Variants in TMEM91 observed in about 807,000 individuals in gnomAD.
TMEM91 encodes transmembrane protein 91, also known as dispanin subfamily C member 3.
In TMEM91, 6 loss-of-function variants were observed where a neutral mutation model predicts 13.3. The observed-to-expected ratio is 0.45, with a 90% CI of 0.25 to 0.89. TMEM91 has a LOEUF of 0.89. Ranked by LOEUF, TMEM91 falls within the 40% of genes least tolerant of loss-of-function variation. TMEM91 has a pLI of 0.19. For synonymous variants in TMEM91, 87 were observed against 101.7 expected (o/e 0.86, Z 0.87); for missense variants, 193 against 228.7 (o/e 0.84, Z 1.01).
chr19:41,379,377 A>G (rs1456518036), intron 2 of TMEM91, among the ~76,000 whole-genome samples: 1 of 150,918 alleles, frequency 6.6e-6, no homozygotes, highest in Non-Finnish European at 1.5e-5. Flanking sequence ...TAAAAAAAAA[A>G]AAAAAAATTA....
chr19:41,366,633 ATTTT>A (rs1277827258), intron 1 of TMEM91, among the ~76,000 whole-genome samples: 1 of 151,896 alleles, frequency 6.6e-6, no homozygotes, highest in Non-Finnish European at 1.5e-5. Flanking sequence ...TCATTTTTGT[ATTTT>A]TAGTAGAGAC....
chr19:41,382,884 G>T lies in TMEM91; in HGVS notation c.323G>T (p.Trp108Leu), dbSNP rs1408753990. ...LAVFSMLCCFWPVGIAAFCLA... is the reference protein window; with the variant it reads ...LAVFSMLCCFLPVGIAAFCLA... ...GTCTTCTCCATGCTGTGTTGTTTCT[G>T]GCCCGTTGGCATCGCTGCCTTCTGT... The change falls in exon 3 of 4, where the codon TGG (tryptophan) becomes TTG (leucine). Residue 108 changes from tryptophan (W) to leucine (L), a missense_variant. By Grantham distance (61) the Trp-to-Leu change is moderately conservative. Coordinates refer to ENST00000392002, the MANE Select transcript of TMEM91 (RefSeq NM_001098821.2). 1.9e-6 allele frequency: 3 copies of T among 1,614,170 alleles called. No homozygotes were observed. The highest frequency in any genetic ancestry group is 1.7e-6 in the Non-Finnish European group (2 of 1,180,036).
intron 1 of TMEM91, among the ~76,000 whole-genome samples, chr19:41,367,704 G>A (rs2038550731): frequency 6.6e-6 from 1 of 152,214 alleles, no homozygotes; most frequent in Admixed American, 6.5e-5. Flanking sequence ...CACAATCACA[G>A]CTCACTGCAG....
chr19:41,383,908 C>T lies in TMEM91; in HGVS notation c.*35C>T, dbSNP rs776535742. On this transcript the variant is annotated 3_prime_UTR_variant, in exon 4 of 4. Coordinates refer to ENST00000392002, the MANE Select transcript of TMEM91 (RefSeq NM_001098821.2). ...CAGCCCTCACTGTGAACCCTGAGGC[C>T]GGCAGCCCAGCAAATCTGTGGGCAG... The T allele has an allele frequency of 1.2e-5, 19 of 1,580,152 alleles. No individual in the cohort carries two copies. Among genetic ancestry groups the T allele is most frequent in the Admixed American group, 9.5e-5 (5 of 52,554 alleles).
chr19:41,371,367 T>TTCCTTCCTTCCC, intron 1 of TMEM91, among the ~76,000 whole-genome samples: 1 of 134,630 alleles, frequency 7.4e-6, no homozygotes, highest in South Asian at 2.3e-4. Context: ...CCTTCCTTCC[T>TTCCTTCCTTCCC]TCTTTCCTTC....
chr19:41,377,617 G>C (rs962408459), intron 1 of TMEM91, among the ~76,000 whole-genome samples: 4 of 151,902 alleles, frequency 2.6e-5, no homozygotes, highest in Admixed American at 2.0e-4. Context: ...TGGATATTGG[G>C]GGTGTTTGTG....
intron 1 of TMEM91, among the ~76,000 whole-genome samples, chr19:41,369,974 A>C (rs1464567340): frequency 6.6e-6 from 1 of 152,158 alleles, no homozygotes; most frequent in Non-Finnish European, 1.5e-5. Context: ...ATTTTTGCAA[A>C]GTAAACACAT....
chr19:41,380,947 G>C (rs973527443), intron 2 of TMEM91, among the ~76,000 whole-genome samples: 3 of 147,538 alleles, frequency 2.0e-5, no homozygotes, highest in African/African-American at 7.5e-5. Context: ...TTAGCTGGCC[G>C]TGGTGGTGGG....
In TMEM91 at chr19:41,383,855, C is replaced by T; in HGVS notation, c.501C>T (p.Ala167=). Residue 167 remains alanine (A), a synonymous_variant, in exon 4 of 4, where the codon GCC becomes GCT. Transcript: ENST00000392002. ...TGGTGACCCTGGCTGCCTACCTTGC[C>T]TCCCGAGACCCGCCCTAGTTGCCCC... ...AALVTLAAYL[A]SRDPP 6.2e-7 allele frequency: 1 copy of T among 1,607,962 alleles called. No homozygotes were observed. Among genetic ancestry groups the T allele is most frequent in the South Asian group, 1.1e-5 (1 of 90,292 alleles).
rs1333880532 is a variant in TMEM91 at position 41,376,814 on chromosome 19, A to T, written c.-70A>T. 2 of 152,282 alleles carry T rather than the reference A, an allele frequency of 1.3e-5. No homozygotes were observed. The highest frequency in any genetic ancestry group is 2.9e-5 in the Non-Finnish European group (2 of 68,152). 9.4% of individuals were successfully genotyped at this position (152,282 alleles called of 1,614,324 possible). On this transcript the variant is annotated 5_prime_UTR_variant, in exon 1 of 4. Coordinates refer to ENST00000392002, the MANE Select transcript of TMEM91 (RefSeq NM_001098821.2). ...CGGTGGCAGGGTCCGGGCAAGTGTC[A>T]TTGCGAGGGTTCAGGAAGCCCCGGC...
At chr19:41,371,994 G>C (rs2038632118), upstream of TMEM91, among the ~76,000 whole-genome samples, 1 of 151,764 alleles carries the variant, frequency 6.6e-6, no homozygotes, top group Admixed American at 6.6e-5. Context: ...AAGTAGCTAG[G>C]ACTACAGGTG....
At chr19:41,383,518 A>T (rs11880674) in intron 3 of TMEM91, 197 bp from the exon 4 acceptor site, 867,801 of 1,454,500 alleles carry the variant, frequency 0.6, 260,689 homozygotes, top group Non-Finnish European at 0.61. Flanking sequence ...ATTTATTATT[A>T]TTATTATTTT....
chr19:41,371,002 C>G (rs1439189078), intron 1 of TMEM91, among the ~76,000 whole-genome samples: 2 of 151,080 alleles, frequency 1.3e-5, no homozygotes, highest in Admixed American at 6.6e-5. Flanking sequence ...CGTGTCTGGC[C>G]TGTTTTTTAT....
At chr19:41,367,854 C>T (rs561049832) in intron 1 of TMEM91, among the ~76,000 whole-genome samples, 49 of 152,234 alleles carry the variant, frequency 3.2e-4, no homozygotes, top group African/African-American at 1.2e-3. Context: ...AGGCTTGTCT[C>T]AAACTCCTGG....
chr19:41,380,440 CT>C (rs1302916027), intron 2 of TMEM91, among the ~76,000 whole-genome samples: 5 of 152,138 alleles, frequency 3.3e-5, no homozygotes, highest in African/African-American at 1.2e-4. Flanking sequence ...GGACACAGAA[CT>C]CATCCCTTGA....
upstream of TMEM91, among the ~76,000 whole-genome samples, chr19:41,376,072 A>C (rs2038711077): frequency 6.6e-6 from 1 of 152,168 alleles, no homozygotes; most frequent in East Asian, 1.9e-4. Flanking sequence ...GTGAGCCGAG[A>C]TCACTCCACT....
upstream of TMEM91, among the ~76,000 whole-genome samples, chr19:41,375,554 A>C (rs1213587607): frequency 6.7e-6 from 1 of 149,866 alleles, no homozygotes; most frequent in Non-Finnish European, 1.5e-5. Context: ...TTGGGATTAC[A>C]GGCGTGAGCC....
chr19:41,370,666 A>G (rs968121453), intron 1 of TMEM91, among the ~76,000 whole-genome samples: 3 of 151,738 alleles, frequency 2.0e-5, no homozygotes, highest in African/African-American at 7.3e-5. Context: ...CGGCCTCCCA[A>G]AGTGCTGGGA....
chr19:41,377,702 T>C (rs1011159284), intron 1 of TMEM91, among the ~76,000 whole-genome samples: 1 of 151,792 alleles, frequency 6.6e-6, no homozygotes, highest in Non-Finnish European at 1.5e-5. Context: ...GTATGTGGCT[T>C]TTGCCTGAGA....
Sources: gnomAD v4.1 joint callset for allele counts (sites outside exome capture counted in the v4.1 genomes callset) on GRCh38, gnomAD v4.1.1 for gene constraint, MANE v1.5 for transcripts, NCBI Gene and HGNC (gene_info 2026-07-23, HGNC 2026-07-21) for gene names.